CDH8: variants seen among roughly 807,000 people sequenced by gnomAD.
CDH8 encodes cadherin-8.
In CDH8, 17 loss-of-function variants were observed where a neutral mutation model predicts 68.1. The observed-to-expected ratio is 0.25, with a 90% CI of 0.17 to 0.37. The LOEUF is 0.37. Ranked by LOEUF, CDH8 falls within the 10% of genes least tolerant of loss-of-function variation. CDH8 has a pLI of 1.00. For synonymous variants in CDH8, 372 were observed against 365.1 expected (o/e 1.02, Z -0.21); for missense variants, 763 against 999.3 (o/e 0.76, Z 3.19).
chr16:62,031,325 G>A (rs901226388), intron 1 of CDH8, among the ~76,000 whole-genome samples: 2 of 152,130 alleles, frequency 1.3e-5, no homozygotes, highest in African/African-American at 4.8e-5. Context: ...GACTTAGGAG[G>A]ACTTATGAAA....
chr16:61,844,696 C>G (rs570494524), intron 4 of CDH8, among the ~76,000 whole-genome samples: 2 of 152,014 alleles, frequency 1.3e-5, no homozygotes, highest in Non-Finnish European at 2.9e-5. Flanking sequence ...TTGATTATTG[C>G]AATTTAGTAT....
At chr16:61,675,630 A>AAAAAAAAAAAT (rs1963891887) in intron 10 of CDH8, among the ~76,000 whole-genome samples, 2 of 148,344 alleles carry the variant, frequency 1.3e-5, no homozygotes, top group South Asian at 4.2e-4. Flanking sequence ...AAAAAAATAA[A>AAAAAAAAAAAT]AAAAAATAAA....
intron 2 of CDH8, among the ~76,000 whole-genome samples, chr16:61,913,949 A>G (rs1964199148): frequency 6.6e-6 from 1 of 152,198 alleles, no homozygotes; most frequent in Admixed American, 6.5e-5. Context: ...CCAATAACTC[A>G]TAACATAACA....
chr16:61,744,073 G>A (rs1484481199), intron 8 of CDH8, among the ~76,000 whole-genome samples: 1 of 151,836 alleles, frequency 6.6e-6, no homozygotes, highest in Admixed American at 6.6e-5. Context: ...GGCCATTTGG[G>A]GTCAATATTT....
intron 8 of CDH8, among the ~76,000 whole-genome samples, chr16:61,768,341 T>C (rs975141683): frequency 6.9e-4 from 76 of 109,654 alleles, no homozygotes; most frequent in African/African-American, 2.8e-3. Context: ...TCTCTCTCTC[T>C]CTCTCTCTCT....
chr16:61,737,464 G>A (rs572519235), intron 8 of CDH8, among the ~76,000 whole-genome samples: 1 of 152,166 alleles, frequency 6.6e-6, no homozygotes, highest in Non-Finnish European at 1.5e-5. Context: ...TGGAAATACA[G>A]CAACTTAGTA....
chr16:61,894,789 A>C (rs573530863), intron 3 of CDH8, among the ~76,000 whole-genome samples: 5 of 152,296 alleles, frequency 3.3e-5, no homozygotes. Flanking sequence ...CTTGCCCATC[A>C]TATACTGACT....
intron 2 of CDH8, among the ~76,000 whole-genome samples, chr16:62,012,655 T>C (rs1901841096): frequency 6.6e-6 from 1 of 152,232 alleles, no homozygotes; most frequent in African/African-American, 2.4e-5. Context: ...GAAAATAAAA[T>C]GCAGAAAATT....
chr16:61,661,872 T>A (rs746610533), intron 10 of CDH8, among the ~76,000 whole-genome samples: 134 of 151,704 alleles, frequency 8.8e-4, no homozygotes, highest in Non-Finnish European at 1.5e-3. Context: ...TTTCATTTTT[T>A]AAAAAAAATC....
chr16:61,756,652 AT>A (rs540626390), intron 8 of CDH8, among the ~76,000 whole-genome samples: 1 of 152,262 alleles, frequency 6.6e-6, no homozygotes, highest in African/African-American at 2.4e-5. Context: ...TAGAGAACAT[AT>A]TTTTTTGTCT....
intron 10 of CDH8, among the ~76,000 whole-genome samples, chr16:61,691,579 G>T (rs994122364): frequency 6.7e-6 from 1 of 148,438 alleles, no homozygotes; most frequent in Non-Finnish European, 1.5e-5. Flanking sequence ...TGATTTGGGG[G>T]TGGAGTACGA....
At chr16:61,660,715 C>A (rs570912911) in intron 10 of CDH8, among the ~76,000 whole-genome samples, 38 of 152,080 alleles carry the variant, frequency 2.5e-4, no homozygotes, top group Middle Eastern at 3.4e-3. Context: ...CATCACTTAA[C>A]AGCAAAAATT....
chr16:61,957,266 G>A (rs1044232595), intron 2 of CDH8, among the ~76,000 whole-genome samples: 1 of 152,066 alleles, frequency 6.6e-6, no homozygotes. Flanking sequence ...GGATATCCTG[G>A]CAGTATTTGT....
intron 4 of CDH8, among the ~76,000 whole-genome samples, chr16:61,832,302 G>A (rs1962472589): frequency 6.6e-6 from 1 of 150,722 alleles, no homozygotes; most frequent in African/African-American, 2.4e-5. Flanking sequence ...AGATAGATGG[G>A]GAGAGATTTT....
chr16:61,871,772 T>C (rs1450695544), intron 3 of CDH8, among the ~76,000 whole-genome samples: 3 of 112,434 alleles, frequency 2.7e-5, no homozygotes. Context: ...TGACTAACAG[T>C]AAATTACATG....
rs552557883 is a variant in CDH8, at chr16:61,926,501, G to T, written c.253-25028C>A. On this transcript the variant is annotated intron_variant, in intron 2 of 11. Transcript: ENST00000577390. The stretch of plus-strand genomic sequence containing the variant: ...CTATTTTTCTAAAGGGTCAGCTCCT[G>T]CATTCACCAACAGATGAAAACCATT... Among the ~76,000 whole-genome samples the T allele has an allele frequency of 2.7e-4, 41 of 152,192 alleles. No homozygotes were observed. In the South Asian group the frequency reaches 8.3e-3, roughly 31 times the overall value.
At chr16:61,843,824 G>A (rs2143009220) in intron 4 of CDH8, among the ~76,000 whole-genome samples, 1 of 152,206 alleles carries the variant, frequency 6.6e-6, no homozygotes, top group East Asian at 1.9e-4. Context: ...TTCCACAATG[G>A]TTGAAGTAGT....
chr16:61,888,014 T>G (rs1567515251), intron 3 of CDH8, among the ~76,000 whole-genome samples: 1 of 152,166 alleles, frequency 6.6e-6, no homozygotes, highest in Non-Finnish European at 1.5e-5. Flanking sequence ...CCCTAGTTAC[T>G]TCTGGCATGA....
At chr16:61,711,165 CAA>C (rs372725659) in intron 10 of CDH8, among the ~76,000 whole-genome samples, 2 of 151,970 alleles carry the variant, frequency 1.3e-5, no homozygotes, top group African/African-American at 4.8e-5. Flanking sequence ...GTGTAGGAGA[CAA>C]GAGAGAGCTC....
Sources: gnomAD v4.1 joint callset for allele counts (sites outside exome capture counted in the v4.1 genomes callset) on GRCh38, gnomAD v4.1.1 for gene constraint, MANE v1.5 for transcripts, NCBI Gene and HGNC (gene_info 2026-07-23, HGNC 2026-07-21) for gene names.